SLC8A1: variants seen among roughly 807,000 people sequenced by gnomAD.
SLC8A1 encodes the protein sodium/calcium exchanger 1.
Under a neutral mutation model 68.3 loss-of-function variants are expected in SLC8A1, and 18 were observed. That is an observed-to-expected ratio of 0.26 (90% CI 0.18 to 0.39). The LOEUF is 0.39. SLC8A1 is among the 10% of genes least tolerant of loss of function. SLC8A1 has a pLI of 1.00. For missense variants in SLC8A1, 985 were observed against 1,156.7 expected, an observed-to-expected ratio of 0.85 and a Z score of 2.15; for synonymous variants, 475 against 415.5, an observed-to-expected ratio of 1.14 and a Z score of -1.74.
At chr2:40,451,550 G>A (rs1317154761) in intron 1 of SLC8A1, among the ~76,000 whole-genome samples, 1 of 152,010 alleles carries the variant, frequency 6.6e-6, no homozygotes, top group Non-Finnish European at 1.5e-5. Flanking sequence ...TTAGCTCTTC[G>A]CGCCCTGAAT....
At chr2:40,120,919 T>C (rs2036624539) in intron 7 of SLC8A1, 2 of 152,226 alleles carry the variant, frequency 1.3e-5, no homozygotes, top group Admixed American at 6.5e-5. Flanking sequence ...CTAGTGTTAA[T>C]AGTGTTAGAA....
At chr2:40,339,707 C>T (rs1007928302) in intron 2 of SLC8A1, among the ~76,000 whole-genome samples, 1 of 152,172 alleles carries the variant, frequency 6.6e-6, no homozygotes, top group African/African-American at 2.4e-5. Context: ...AAGTTCCCAG[C>T]TCTTACTGAT....
intron 7 of SLC8A1, among the ~76,000 whole-genome samples, chr2:40,136,883 T>C (rs1287725630): frequency 6.6e-6 from 1 of 152,188 alleles, no homozygotes; most frequent in Non-Finnish European, 1.5e-5. Context: ...AATATATTGT[T>C]TGGGGAGCTT....
intron 2 of SLC8A1, among the ~76,000 whole-genome samples, chr2:40,353,549 A>T (rs1671762550): frequency 6.6e-6 from 1 of 152,104 alleles, no homozygotes; most frequent in South Asian, 2.1e-4. Flanking sequence ...CTAATATTAC[A>T]AGTGGAAAAA....
intron 2 of SLC8A1, among the ~76,000 whole-genome samples, chr2:40,290,775 T>C (rs1282353125): frequency 6.6e-6 from 1 of 152,186 alleles, no homozygotes; most frequent in African/African-American, 2.4e-5. Flanking sequence ...TCTCTTTATT[T>C]CTTAGATGTT....
chr2:40,143,208 A>G (rs1573077483), intron 6 of SLC8A1, among the ~76,000 whole-genome samples: 2 of 152,176 alleles, frequency 1.3e-5, no homozygotes, highest in African/African-American at 4.8e-5. Flanking sequence ...ATGATGCACA[A>G]TTACCCTGTC....
At chr2:40,238,304 G>A (rs564393420) in intron 2 of SLC8A1, among the ~76,000 whole-genome samples, 7 of 152,198 alleles carry the variant, frequency 4.6e-5, no homozygotes, top group Non-Finnish European at 5.9e-5. Flanking sequence ...ATATAATCTC[G>A]TGGTGGGCCG....
rs1391566974 is a variant in SLC8A1, at chr2:40,253,097, ATATACATATATACGTG to A, written c.1809-75258_1809-75243del. ...ATATGTGTATAAATGTATATAGTAT[ATATACATATATACGTG>A]TATACATATATACACGTATATATGT... On this transcript the variant is annotated intron_variant, in intron 2 of 7. Transcript: ENST00000406785. 4.5e-4 allele frequency among the ~76,000 whole-genome samples: 49 copies of A among 109,560 alleles called. No individual in the cohort carries two copies. The Admixed American group carries it at 4.5e-3, about 10-fold the overall frequency. The allele number at this position is 109,560 out of a possible 152,430, so 71.9% of individuals were successfully genotyped here. A position where few individuals can be genotyped will look rare whatever the true frequency, so the allele number is the denominator to read the frequency against.
intron 2 of SLC8A1, among the ~76,000 whole-genome samples, chr2:40,291,814 G>A (rs2069379874): frequency 6.6e-6 from 1 of 151,814 alleles, no homozygotes; most frequent in East Asian, 1.9e-4. Flanking sequence ...TTCATTAGAT[G>A]AGCTAAAATG....
chr2:40,381,115 G>C (rs1337201794), intron 2 of SLC8A1, among the ~76,000 whole-genome samples: 1 of 152,018 alleles, frequency 6.6e-6, no homozygotes, highest in East Asian at 1.9e-4. Context: ...AAATTTTCTA[G>C]ATTGTATATC....
At chr2:40,424,791 G>C (rs1393994776) in intron 2 of SLC8A1, among the ~76,000 whole-genome samples, 1 of 151,716 alleles carries the variant, frequency 6.6e-6, no homozygotes, top group Non-Finnish European at 1.5e-5. Context: ...CTTTTAAATT[G>C]TCTTCCAAAA....
intron 2 of SLC8A1, among the ~76,000 whole-genome samples, chr2:40,359,642 A>C (rs191119525): frequency 4.6e-5 from 7 of 152,300 alleles, no homozygotes; most frequent in Admixed American, 4.6e-4. Context: ...TTTAGGAAGA[A>C]ACACATCAAC....
chr2:40,438,854 C>T (rs1403564971), intron 1 of SLC8A1, among the ~76,000 whole-genome samples: 2 of 152,062 alleles, frequency 1.3e-5, no homozygotes, highest in Non-Finnish European at 2.9e-5. Context: ...TTGGACCACC[C>T]TTTGTGAAGT....
chr2:40,257,446 T>C (rs961159113), intron 2 of SLC8A1, among the ~76,000 whole-genome samples: 1 of 151,902 alleles, frequency 6.6e-6, no homozygotes, highest in Non-Finnish European at 1.5e-5. Context: ...TGACCTTTCC[T>C]TTTTTTGACC....
chr2:40,148,626 C>T (rs2042892201), intron 6 of SLC8A1, among the ~76,000 whole-genome samples: 1 of 152,188 alleles, frequency 6.6e-6, no homozygotes, highest in Admixed American at 6.5e-5. Flanking sequence ...CACGGCCCTC[C>T]ACTGACCGTA....
chr2:40,245,683 CTT>C (rs60082736), intron 2 of SLC8A1, among the ~76,000 whole-genome samples: 4 of 146,700 alleles, frequency 2.7e-5, no homozygotes, highest in African/African-American at 1.0e-4. Context: ...AAAAGTCAAA[CTT>C]TTTTTTTTTT....
chr2:40,283,248 T>A (rs1575056116), intron 2 of SLC8A1, among the ~76,000 whole-genome samples: 2 of 152,240 alleles, frequency 1.3e-5, no homozygotes, highest in South Asian at 4.1e-4. Context: ...GTGTTTCCAA[T>A]GATTTCATGA....
chr2:40,185,682 G>A (rs1310356308), intron 2 of SLC8A1, among the ~76,000 whole-genome samples: 1 of 152,068 alleles, frequency 6.6e-6, no homozygotes, highest in Non-Finnish European at 1.5e-5. Flanking sequence ...TTGTAGTGAT[G>A]GTTGCACAAT....
At chr2:40,247,434 ATGTG>A (rs3059492) in intron 2 of SLC8A1, among the ~76,000 whole-genome samples, 83,140 of 150,586 alleles carry the variant, frequency 0.55, 23,847 homozygotes, top group Non-Finnish European at 0.65. Context: ...CAGCATATAT[ATGTG>A]TGTGTGTGTG....
Sources: allele counts gnomAD v4.1 joint callset (sites outside exome capture counted in the v4.1 genomes callset), GRCh38; gene constraint gnomAD v4.1.1; transcripts MANE v1.5; gene names NCBI Gene and HGNC (gene_info 2026-07-23, HGNC 2026-07-21).